ZBBX: variants seen among roughly 807,000 people sequenced by gnomAD.
The protein encoded by ZBBX is zinc finger B-box domain-containing protein 1.
ZBBX carries 101 observed loss-of-function variants against 108.5 expected under a neutral mutation model. That is an observed-to-expected ratio of 0.93 (90% CI 0.79 to 1.10). The LOEUF (loss-of-function observed/expected upper bound fraction) is 1.10. ZBBX is among the 50% of genes least tolerant of loss of function. The pLI is 0.00. For missense variants in ZBBX, 1,009 were observed against 941.4 expected (o/e 1.07, Z -0.94); for synonymous variants, 356 against 323.4 (o/e 1.10, Z -1.08).
rs1205714991 is a variant in ZBBX at position 167,359,910 on chromosome 3, C to G, written c.392G>C (p.Gly131Ala). ...SSECEKPKIN[G>A]KVCGQCENKA... Reference sequence around the variant, plus strand: ...GTTCTCACACTGTCCACATACTTTCCCATTTATCTTGGGTTTTTCACATTC... The same window carrying G: ...GTTCTCACACTGTCCACATACTTTCGCATTTATCTTGGGTTTTTCACATTC... Residue 131 changes from glycine to alanine, a missense_variant, in exon 8 of 22, where the codon GGG (glycine) becomes GCG (alanine). Physicochemically the swap from Gly to Ala is moderately conservative, Grantham distance 60. Coordinates refer to ENST00000675490, the MANE Select transcript of ZBBX (RefSeq NM_001199201.2). The G allele has an allele frequency of 1.9e-6, 3 of 1,568,756 alleles. No individual in the cohort carries two copies. In the Admixed American group the frequency reaches 5.3e-5, roughly 28 times the overall value.
intron 8 of ZBBX, among the ~76,000 whole-genome samples, chr3:167,352,257 A>C (rs978925216): frequency 5.9e-5 from 9 of 152,118 alleles, no homozygotes; most frequent in Admixed American, 6.6e-5. Flanking sequence ...ATTAAGAAAA[A>C]TGAGAGAGGA....
At chr3:167,200,869 G>A in the ZBBX span, among the ~76,000 whole-genome samples, 1 of 152,110 alleles carries the variant, frequency 6.6e-6, no homozygotes, top group African/African-American at 2.4e-5. Context: ...CACCCATTTG[G>A]AAGGCTCAGG....
intron 18 of ZBBX, among the ~76,000 whole-genome samples, chr3:167,295,352 A>G (rs1484335659): frequency 6.6e-6 from 1 of 152,120 alleles, no homozygotes; most frequent in Non-Finnish European, 1.5e-5. Flanking sequence ...ATGGAATATT[A>G]TATAGCCATA....
intron 17 of ZBBX, among the ~76,000 whole-genome samples, chr3:167,300,077 G>A (rs563281707): frequency 1.3e-5 from 2 of 152,218 alleles, no homozygotes; most frequent in South Asian, 4.2e-4. Context: ...CTTAAGTCCT[G>A]TCTTACCAGT....
chr3:167,260,230 G>A (rs958044441), intron 20 of ZBBX, among the ~76,000 whole-genome samples: 3 of 152,138 alleles, frequency 2.0e-5, no homozygotes, highest in African/African-American at 7.2e-5. Context: ...TTCCTTTATA[G>A]GTTACCTGGT....
At chr3:167,382,966 C>T (rs1197603545), upstream of ZBBX, among the ~76,000 whole-genome samples, 1 of 152,084 alleles carries the variant, frequency 6.6e-6, no homozygotes, top group Non-Finnish European at 1.5e-5. Context: ...TATTTTATCT[C>T]AATTCCTATA....
chr3:167,273,080 T>C (rs776349457), intron 20 of ZBBX, among the ~76,000 whole-genome samples: 3 of 152,204 alleles, frequency 2.0e-5, no homozygotes, highest in Non-Finnish European at 2.9e-5. Context: ...GTTTTATTAA[T>C]CCTTCATTCT....
chr3:167,369,585 T>G (rs1745858450), intron 4 of ZBBX, among the ~76,000 whole-genome samples: 1 of 152,238 alleles, frequency 6.6e-6, no homozygotes, highest in South Asian at 2.1e-4. Flanking sequence ...GTAATGCAGC[T>G]ACTACCTCAA....
intron 18 of ZBBX, among the ~76,000 whole-genome samples, chr3:167,297,647 G>A (rs147922867): frequency 6.6e-6 from 1 of 151,876 alleles, no homozygotes; most frequent in African/African-American, 2.4e-5. Flanking sequence ...AGAAGAAGCA[G>A]TATCCAGAAT....
At chr3:167,386,392 TA>T (rs1446830548) in intron 1 of ZBBX, among the ~76,000 whole-genome samples, 1 of 152,058 alleles carries the variant, frequency 6.6e-6, no homozygotes, top group African/African-American at 2.4e-5. Flanking sequence ...AATCATAAAG[TA>T]AAACCAAAGT....
At chr3:167,314,826 T>C (rs995432697) in intron 15 of ZBBX, among the ~76,000 whole-genome samples, 5 of 152,096 alleles carry the variant, frequency 3.3e-5, no homozygotes, top group South Asian at 2.1e-4. Flanking sequence ...ACACCTTACA[T>C]AGGAGTCAAA....
At chr3:167,379,588 T>G (rs1747502344) in intron 2 of ZBBX, 50 bp downstream of exon 2, 1 of 152,204 alleles carries the variant, frequency 6.6e-6, no homozygotes, top group Non-Finnish European at 1.5e-5. Context: ...CCTTGTTAAC[T>G]TTAGATTTTA....
rs539101584 is a variant in ZBBX, at chr3:167,336,722, T to C, written c.529-2737A>G. On this transcript the variant is annotated intron_variant, in intron 9 of 21. Transcript: ENST00000675490. ...CCGAAACTGAAAATATTAAATTTTG[T>C]CTCTAACAGATTTGAACATTGTTCT... Among the ~76,000 whole-genome samples the C allele has an allele frequency of 2.0e-4, 31 of 152,346 alleles. No homozygotes were observed. The South Asian group carries it at 6.4e-3, about 32-fold the overall frequency.
intron 17 of ZBBX, among the ~76,000 whole-genome samples, chr3:167,301,681 G>C (rs1180428384): frequency 6.6e-6 from 1 of 152,026 alleles, no homozygotes; most frequent in African/African-American, 2.4e-5. Context: ...TATTTGGACG[G>C]GCGCAGTGGC....
At chr3:167,180,643 G>GT in the ZBBX span, among the ~76,000 whole-genome samples, 1 of 152,192 alleles carries the variant, frequency 6.6e-6, no homozygotes. Context: ...CCCTATATAA[G>GT]TCTGGCAAAT....
chr3:167,192,634 C>T, the ZBBX span, among the ~76,000 whole-genome samples: 1 of 152,124 alleles, frequency 6.6e-6, no homozygotes, highest in Admixed American at 6.5e-5. Context: ...AGGTCATTTT[C>T]TCTATCTTAT....
chr3:167,322,389 AG>A (rs2108325762), intron 11 of ZBBX, 152 bp from the exon 12 acceptor site: 1 of 544,728 alleles, frequency 1.8e-6, no homozygotes, highest in African/African-American at 2.0e-5. Flanking sequence ...ATAATGCAAA[AG>A]TATTAAATAT....
At chr3:167,318,324 T>C (rs1735814936) in intron 12 of ZBBX, among the ~76,000 whole-genome samples, 1 of 152,158 alleles carries the variant, frequency 6.6e-6, no homozygotes, top group African/African-American at 2.4e-5. Context: ...GTAGTTAATA[T>C]GGATACAAAA....
At chr3:167,403,418 T>G (rs977991766) in intron 1 of ZBBX, among the ~76,000 whole-genome samples, 1 of 152,138 alleles carries the variant, frequency 6.6e-6, no homozygotes, top group African/African-American at 2.4e-5. Context: ...ATATCTGCAC[T>G]ATAAGAAATG....
Sources: gnomAD v4.1 joint callset for allele counts (sites outside exome capture counted in the v4.1 genomes callset) on GRCh38, gnomAD v4.1.1 for gene constraint, MANE v1.5 for transcripts, NCBI Gene and HGNC (gene_info 2026-07-23, HGNC 2026-07-21) for gene names.